LRRC8B: variants seen among roughly 807,000 people sequenced by gnomAD.
LRRC8B encodes the protein leucine rich repeat containing 8 VRAC subunit B.
A neutral mutation model predicts 58.8 loss-of-function variants in LRRC8B; 23 were observed. That is an observed-to-expected ratio of 0.39 (90% confidence interval 0.28 to 0.55). LRRC8B has a LOEUF of 0.55. LRRC8B is among the 20% of genes least tolerant of loss of function. The pLI is 0.62. For missense variants in LRRC8B, 694 were observed against 936.0 expected, an observed-to-expected ratio of 0.74 and a Z score of 3.37; for synonymous variants, 359 against 374.1, an observed-to-expected ratio of 0.96 and a Z score of 0.47.
chr1:89,572,872 T>C (rs1468391509), intron 3 of LRRC8B, among the ~76,000 whole-genome samples: 2 of 152,196 alleles, frequency 1.3e-5, no homozygotes, highest in African/African-American at 4.8e-5. Context: ...GAAAATATGG[T>C]AGCTTACTAA....
chr1:89,594,310 C>T lies in LRRC8B; in HGVS notation c.*1267C>T, dbSNP rs190468347. On this transcript the variant is annotated 3_prime_UTR_variant, in exon 6 of 6. Transcript: ENST00000330947. ...CTAATTACTTTTGGATAACAAAAGC[C>T]TTGTGTTTAATGCCCTAAAGTATTT... The T allele has an allele frequency of 1.1e-4, 17 of 152,178 alleles. No individual in the cohort carries two copies. The highest frequency in any genetic ancestry group is 1.1e-3 in the Admixed American group (17 of 15,282). 9.4% of individuals were successfully genotyped at this position (152,178 alleles called of 1,614,324 possible).
intron 1 of LRRC8B, among the ~76,000 whole-genome samples, chr1:89,538,541 A>G (rs955176508): frequency 6.6e-6 from 1 of 152,186 alleles, no homozygotes; most frequent in African/African-American, 2.4e-5. Context: ...TTTTAGGGAA[A>G]TACTCATTGT....
Position 89,584,763 on chromosome 1 carries a change from C to T in LRRC8B, c.2113C>T (p.Gln705Ter). ...PEEIQYLSNL[Q>*]YFAVTNNNIE... is the part of the protein sequence containing the mutation. Reference sequence around the variant, plus strand: ...AGAAATCCAGTATCTGAGTAATTTGCAGTACTTTGCTGTGACCAACAACAA... The same window carrying T: ...AGAAATCCAGTATCTGAGTAATTTGTAGTACTTTGCTGTGACCAACAACAA... Residue 705 changes from glutamine to a stop codon, truncating the protein, a stop_gained, in exon 5 of 6, where the codon CAG (glutamine) becomes TAG (stop). Coordinates refer to ENST00000330947, the MANE Select transcript of LRRC8B (RefSeq NM_001369817.2). LOFTEE classifies it high-confidence loss of function. 6.2e-7 allele frequency: 1 copy of T among 1,608,562 alleles called. No homozygotes were observed. The highest frequency in any genetic ancestry group is 8.5e-7 in the Non-Finnish European group (1 of 1,177,384).
intron 3 of LRRC8B, among the ~76,000 whole-genome samples, chr1:89,574,598 T>A (rs928228882): frequency 1.3e-4 from 19 of 151,932 alleles, no homozygotes; most frequent in African/African-American, 4.4e-4. Context: ...CTTTTTTAAC[T>A]CCCCTTTTTT....
intron 1 of LRRC8B, among the ~76,000 whole-genome samples, chr1:89,557,534 A>G (rs982237562): frequency 9.2e-5 from 14 of 152,182 alleles, no homozygotes; most frequent in African/African-American, 3.1e-4. Context: ...TGTATTTTAA[A>G]GCTGAGGAGA....
chr1:89,563,844 G>T (rs971136108), intron 1 of LRRC8B, among the ~76,000 whole-genome samples: 1 of 152,086 alleles, frequency 6.6e-6, no homozygotes, highest in African/African-American at 2.4e-5. Context: ...GGGATACTCA[G>T]CTTATCTAAG....
At chr1:89,535,937 A>G (rs1650495060) in intron 1 of LRRC8B, among the ~76,000 whole-genome samples, 1 of 152,156 alleles carries the variant, frequency 6.6e-6, no homozygotes, top group Admixed American at 6.5e-5. Flanking sequence ...GGGAGAGGAC[A>G]ACAGTTTGGA....
chr1:89,535,708 T>C (rs1049833429), intron 1 of LRRC8B, among the ~76,000 whole-genome samples: 2 of 152,074 alleles, frequency 1.3e-5, no homozygotes, highest in African/African-American at 4.8e-5. Flanking sequence ...AAAAGAACAT[T>C]AGTTAAAGAT....
intron 1 of LRRC8B, among the ~76,000 whole-genome samples, chr1:89,559,702 G>A (rs1203548993): frequency 2.6e-5 from 4 of 151,898 alleles, no homozygotes; most frequent in Admixed American, 2.6e-4. Flanking sequence ...GTATATGTGA[G>A]GCAGAGTGAG....
At chr1:89,555,510 C>A (rs1212467611) in intron 1 of LRRC8B, among the ~76,000 whole-genome samples, 1 of 152,110 alleles carries the variant, frequency 6.6e-6, no homozygotes, top group East Asian at 1.9e-4. Context: ...ACAAGCTAAG[C>A]CCTGGGGTGC....
intron 1 of LRRC8B, among the ~76,000 whole-genome samples, chr1:89,541,710 C>CAAAAAAAAAAAAAAAAAAAA (rs61714771): frequency 9.5e-5 from 4 of 42,232 alleles, no homozygotes; most frequent in African/African-American, 4.3e-4. Context: ...GACTCCGTCT[C>CAAAAAAAAAAAAAAAAAAAA]AAAAAAAAAA....
intron 5 of LRRC8B, among the ~76,000 whole-genome samples, chr1:89,585,252 TG>T (rs1314866288): frequency 6.6e-6 from 1 of 152,210 alleles, no homozygotes; most frequent in Non-Finnish European, 1.5e-5. Context: ...CTTTTTGTGA[TG>T]TGGTGAAAAA....
At chr1:89,588,318 T>C (rs1354085481) in intron 5 of LRRC8B, among the ~76,000 whole-genome samples, 2 of 152,234 alleles carry the variant, frequency 1.3e-5, no homozygotes, top group Non-Finnish European at 2.9e-5. Flanking sequence ...TGCAGGATTC[T>C]TCAGAGCCTT....
chr1:89,569,704 T>G (rs1653305504), intron 3 of LRRC8B, among the ~76,000 whole-genome samples: 1 of 152,158 alleles, frequency 6.6e-6, no homozygotes, highest in South Asian at 2.1e-4. Context: ...TCTATGTTTT[T>G]CTTTATCTTT....
chr1:89,576,390 A>G lies in LRRC8B; in HGVS notation c.-124-3201A>G, dbSNP rs559650742. ...TTCTCCTCCTGGGGAGATTTGGGGG[A>G]AAAAAAAAATCTGGCCTCTCCTAGA... is the stretch of plus-strand genomic sequence containing the variant. On this transcript the variant is annotated intron_variant, in intron 3 of 5. Transcript: ENST00000330947. 9.3e-5 allele frequency among the ~76,000 whole-genome samples: 14 copies of G among 150,178 alleles called. No homozygotes were observed. The South Asian group carries it at 2.7e-3, about 29-fold the overall frequency.
intron 1 of LRRC8B, among the ~76,000 whole-genome samples, chr1:89,525,231 G>A (rs1570537281): frequency 1.3e-5 from 2 of 152,364 alleles, no homozygotes; most frequent in African/African-American, 4.8e-5. Context: ...CTGCCTTCGG[G>A]AGAGACGGAG....
At chr1:89,527,790 G>C (rs1243954999) in intron 1 of LRRC8B, among the ~76,000 whole-genome samples, 1 of 152,136 alleles carries the variant, frequency 6.6e-6, no homozygotes, top group African/African-American at 2.4e-5. Flanking sequence ...ATTAGGCCTA[G>C]CTCCAATCAC....
At chr1:89,567,566 G>A (rs1371103719) in intron 1 of LRRC8B, among the ~76,000 whole-genome samples, 1 of 152,088 alleles carries the variant, frequency 6.6e-6, no homozygotes, top group African/African-American at 2.4e-5. Context: ...TTCACATATG[G>A]ATTAGCAATT....
intron 1 of LRRC8B, among the ~76,000 whole-genome samples, chr1:89,527,593 A>G (rs1426615217): frequency 6.6e-6 from 1 of 152,170 alleles, no homozygotes; most frequent in Non-Finnish European, 1.5e-5. Flanking sequence ...AATTTGTGTC[A>G]TATCTGTTTT....
Sources: allele counts gnomAD v4.1 joint callset (sites outside exome capture counted in the v4.1 genomes callset), GRCh38; gene constraint gnomAD v4.1.1; transcripts MANE v1.5; gene names NCBI Gene and HGNC (gene_info 2026-07-23, HGNC 2026-07-21).